GPR137C: variants seen among roughly 807,000 people sequenced by gnomAD.
GPR137C encodes integral membrane protein GPR137C.
GPR137C carries 27 observed loss-of-function variants against 43.4 expected under a neutral mutation model. That is an observed-to-expected ratio of 0.62 (90% CI 0.46 to 0.86). The LOEUF is 0.86. Ranked by LOEUF, GPR137C falls within the 40% of genes least tolerant of loss-of-function variation. The pLI is 0.00. For missense variants in GPR137C, 522 were observed against 534.6 expected, an observed-to-expected ratio of 0.98 and a Z score of 0.23; for synonymous variants, 285 against 226.9, an observed-to-expected ratio of 1.26 and a Z score of -2.30.
At chr14:52,633,327 A>AT (rs999351134) in intron 4 of GPR137C, among the ~76,000 whole-genome samples, 4 of 152,066 alleles carry the variant, frequency 2.6e-5, no homozygotes, top group African/African-American at 9.6e-5. Context: ...ACTGCTTTTT[A>AT]TTTTTTGTAG....
intron 3 of GPR137C, among the ~76,000 whole-genome samples, chr14:52,602,630 A>G (rs1301148988): frequency 6.6e-6 from 1 of 152,066 alleles, no homozygotes; most frequent in Non-Finnish European, 1.5e-5. Flanking sequence ...TTCATGTCTT[A>G]TCTAACTTTA....
chr14:52,577,516 G>GCACACACACACACACACA (rs3064748), intron 1 of GPR137C, among the ~76,000 whole-genome samples: 50 of 145,500 alleles, frequency 3.4e-4, no homozygotes, highest in African/African-American at 7.3e-4. Flanking sequence ...GCGCGCGCGC[G>GCACACACACACACACACA]CACACACACA....
chr14:52,632,987 G>A (rs1377493330), intron 4 of GPR137C, among the ~76,000 whole-genome samples: 1 of 152,040 alleles, frequency 6.6e-6, no homozygotes, highest in African/African-American at 2.4e-5. Flanking sequence ...CCTTTCTAAA[G>A]TGAAGGAATT....
intron 3 of GPR137C, among the ~76,000 whole-genome samples, chr14:52,625,343 G>T (rs938063644): frequency 1.3e-5 from 2 of 151,392 alleles, no homozygotes; most frequent in African/African-American, 4.8e-5. Flanking sequence ...TGAGCCAGGC[G>T]TGGTGGCGCG....
chr14:52,604,681 C>T (rs1472116077), intron 3 of GPR137C, among the ~76,000 whole-genome samples: 1 of 152,160 alleles, frequency 6.6e-6, no homozygotes. Context: ...CTCCTGATCT[C>T]AGGTGATCCA....
intron 1 of GPR137C, among the ~76,000 whole-genome samples, chr14:52,569,028 C>T (rs1011462321): frequency 6.6e-6 from 1 of 152,224 alleles, no homozygotes. Flanking sequence ...GGGCGACAGA[C>T]ACCTTATGCA....
intron 1 of GPR137C, among the ~76,000 whole-genome samples, chr14:52,565,838 A>T (rs1274423422): frequency 6.6e-6 from 1 of 152,246 alleles, no homozygotes; most frequent in Non-Finnish European, 1.5e-5. Context: ...GCCCTGAACA[A>T]GGAATCTGGG....
chr14:52,558,665 G>C (rs2038231972), intron 1 of GPR137C, among the ~76,000 whole-genome samples: 1 of 152,192 alleles, frequency 6.6e-6, no homozygotes, highest in Admixed American at 6.5e-5. Flanking sequence ...GGGAATTGCA[G>C]ATGTCAGAAT....
chr14:52,628,038 G>T (rs1269803033), intron 3 of GPR137C, among the ~76,000 whole-genome samples: 1 of 152,168 alleles, frequency 6.6e-6, no homozygotes, highest in East Asian at 1.9e-4. Flanking sequence ...CATGTGGCTA[G>T]TGGCTATTGT....
At chr14:52,596,556 C>T (rs1411091958) in intron 1 of GPR137C, among the ~76,000 whole-genome samples, 1 of 152,206 alleles carries the variant, frequency 6.6e-6, no homozygotes, top group African/African-American at 2.4e-5. Flanking sequence ...TGCTGGGCTG[C>T]AGTGTTGCAG....
chr14:52,615,080 A>G (rs2039083589), intron 3 of GPR137C, among the ~76,000 whole-genome samples: 1 of 152,298 alleles, frequency 6.6e-6, no homozygotes, highest in Non-Finnish European at 1.5e-5. Context: ...TAGTTTCATA[A>G]TTTGAGGTCT....
intron 1 of GPR137C, among the ~76,000 whole-genome samples, chr14:52,574,469 T>C (rs1425485666): frequency 6.6e-6 from 1 of 152,016 alleles, no homozygotes; most frequent in Non-Finnish European, 1.5e-5. Context: ...AACACAGGAA[T>C]GAAAACCAAA....
chr14:52,609,372 G>A (rs2039014894), intron 3 of GPR137C, among the ~76,000 whole-genome samples: 1 of 152,032 alleles, frequency 6.6e-6, no homozygotes, highest in Non-Finnish European at 1.5e-5. Flanking sequence ...AAAATTCTTT[G>A]AGAGATCTCA....
intron 3 of GPR137C, among the ~76,000 whole-genome samples, chr14:52,603,886 A>C (rs1317966028): frequency 1.3e-5 from 2 of 152,042 alleles, no homozygotes; most frequent in Non-Finnish European, 2.9e-5. Context: ...TCCCATCAAC[A>C]GTGTACAGGC....
chr14:52,572,047 G>A (rs1018902937), intron 1 of GPR137C, among the ~76,000 whole-genome samples: 8 of 152,158 alleles, frequency 5.3e-5, no homozygotes, highest in African/African-American at 1.9e-4. Flanking sequence ...ACTAAACCAG[G>A]AAGAAGTCAA....
intron 1 of GPR137C, among the ~76,000 whole-genome samples, chr14:52,584,350 A>C (rs77815564): frequency 6.6e-6 from 1 of 152,274 alleles, no homozygotes; most frequent in African/African-American, 2.4e-5. Flanking sequence ...GCAAAATTCT[A>C]AAGGTTGCAT....
Position 52,552,993 on chromosome 14 carries a change from G to A in GPR137C, c.-155G>A, listed in dbSNP as rs1447867300. On this transcript the variant is annotated 5_prime_UTR_variant, in exon 1 of 7. Coordinates refer to ENST00000321662, the MANE Select transcript of GPR137C (RefSeq NM_001099652.2). ...GGCGGGGTCCGGGGGAGCCGCGGCT[G>A]CTTTGCGCTGGACTCCGGGTCCCGT... 6.7e-6 allele frequency among the ~76,000 whole-genome samples: 1 copy of A among 148,858 alleles called. No homozygotes were observed. Among genetic ancestry groups the A allele is most frequent in the African/African-American group, 2.5e-5 (1 of 40,290 alleles).
chr14:52,599,795 A>G lies in GPR137C; in HGVS notation c.489-318A>G, dbSNP rs114207628. On this transcript the variant is annotated intron_variant, in intron 2 of 6. Transcript: ENST00000321662. ...TAATCAATATGAATTTAGATACAGT[A>G]TATTAATTTTCAGGCACATTGTAAA... Among the ~76,000 whole-genome samples, 711 of 152,330 alleles carry G rather than the reference A, an allele frequency of 4.7e-3. 5 individuals carry two copies. Among genetic ancestry groups the G allele is most frequent in the African/African-American group, 0.016 (680 of 41,568 alleles).
intron 1 of GPR137C, among the ~76,000 whole-genome samples, chr14:52,575,813 G>A (rs990737037): frequency 7.9e-5 from 12 of 152,124 alleles, no homozygotes; most frequent in Admixed American, 5.2e-4. Context: ...AATCTCTAAA[G>A]CTCAACTTTG....
Sources: gnomAD v4.1 joint callset for allele counts (sites outside exome capture counted in the v4.1 genomes callset) on GRCh38, gnomAD v4.1.1 for gene constraint, MANE v1.5 for transcripts, NCBI Gene and HGNC (gene_info 2026-07-23, HGNC 2026-07-21) for gene names.